The following CASS4 variants were observed in gnomAD, a reference collection of about 807,000 sequenced individuals.
The protein encoded by CASS4 is Cas scaffold protein family member 4.
CASS4 carries 22 observed loss-of-function variants against 54.2 expected under a neutral mutation model. That is an observed-to-expected ratio of 0.41 (90% confidence interval 0.29 to 0.58). The LOEUF is 0.58. CASS4 is among the 20% of genes least tolerant of loss of function. The probability of loss-of-function intolerance (pLI) is 0.36; values close to 1 mark genes in which losing one functional copy is unlikely to be tolerated. For missense variants in CASS4, 854 were observed against 986.7 expected, an observed-to-expected ratio of 0.87 and a Z score of 1.80; for synonymous variants, 409 against 391.5, an observed-to-expected ratio of 1.04 and a Z score of -0.53.
At chr20:56,435,564 GA>G (rs1376420221) in intron 1 of CASS4, among the ~76,000 whole-genome samples, 1 of 152,154 alleles carries the variant, frequency 6.6e-6, no homozygotes, top group African/African-American at 2.4e-5. Flanking sequence ...AATTACAGTG[GA>G]AAGTTCAAAT....
rs1979864393 is a variant in CASS4, at chr20:56,430,736, G to T, written c.37-6428G>T. On this transcript the variant is annotated intron_variant, in intron 1 of 5. Coordinates refer to ENST00000679887, the MANE Select transcript of CASS4 (RefSeq NM_020356.4). This position sits in a 1 kb window ranked among gnomAD's most constrained non-coding sequence, Gnocchi z 4.2. Reference sequence around the variant, plus strand: ...CCCAGCCAAAAGTGGGGTGGTCAGGGGCAGCCTCTGCAAAGGGGTGACTCG... The same window carrying T: ...CCCAGCCAAAAGTGGGGTGGTCAGGTGCAGCCTCTGCAAAGGGGTGACTCG... 6.6e-6 allele frequency among the ~76,000 whole-genome samples: 1 copy of T among 152,202 alleles called. No individual in the cohort carries two copies. Among genetic ancestry groups the T allele is most frequent in the Non-Finnish European group, 1.5e-5 (1 of 68,040 alleles).
chr20:56,416,329 C>T (rs763403845), intron 1 of CASS4, among the ~76,000 whole-genome samples: 7 of 152,184 alleles, frequency 4.6e-5, no homozygotes, highest in African/African-American at 9.6e-5. Context: ...GGATTACAGG[C>T]GTGAGCCACT....
intron 2 of CASS4, among the ~76,000 whole-genome samples, chr20:56,441,491 A>G (rs1408690135): frequency 7.2e-5 from 11 of 151,980 alleles, no homozygotes; most frequent in Non-Finnish European, 1.5e-5. Flanking sequence ...TGTAGTCCCA[A>G]CTACTCAGAA....
rs530048018 is a variant in CASS4, at chr20:56,459,935, G to A, written c.*1188G>A. 1 of 152,210 alleles carries A rather than the reference G, an allele frequency of 6.6e-6. No homozygotes were observed. The highest frequency in any genetic ancestry group is 6.5e-5 in the Admixed American group (1 of 15,296). 9.4% of individuals were successfully genotyped at this position (152,210 alleles called of 1,614,324 possible). A position where few individuals can be genotyped will look rare whatever the true frequency, so the allele number is the denominator to read the frequency against. On this transcript the variant is annotated 3_prime_UTR_variant, in exon 6 of 6. Coordinates refer to ENST00000679887, the MANE Select transcript of CASS4 (RefSeq NM_020356.4). ...AAAGCGGTGAAGAAATACATACACA[G>A]TATAGCAGGTGCCAGGAAAAACGTA...
At chr20:56,442,689 G>A (rs1980518089) in intron 2 of CASS4, among the ~76,000 whole-genome samples, 1 of 151,388 alleles carries the variant, frequency 6.6e-6, no homozygotes, top group Non-Finnish European at 1.5e-5. Flanking sequence ...ACCACATCAA[G>A]AGCATATTTG....
In CASS4 at chr20:56,450,695, T is replaced by A. The variant is rs569265583; in HGVS notation, c.642+16T>A. 12 of 1,611,630 alleles carry A rather than the reference T, an allele frequency of 7.4e-6. No individual in the cohort carries two copies. The African/African-American group carries it at 1.5e-4, about 20-fold the overall frequency. On this transcript the variant is annotated intron_variant, in intron 4 of 5. Coordinates refer to ENST00000679887, the MANE Select transcript of CASS4 (RefSeq NM_020356.4). ...CCAAGCAAGTGTAAGTATGAAGAGG[T>A]GCTAAGGTGCGGTGTTATGAACACA...
intron 1 of CASS4, among the ~76,000 whole-genome samples, chr20:56,432,889 T>G (rs938022127): frequency 7.7e-6 from 1 of 129,582 alleles, no homozygotes; most frequent in Non-Finnish European, 1.5e-5. Flanking sequence ...CATCCAAAAG[T>G]GTGGGCAGGG....
rs1202364053 is a variant in CASS4, at chr20:56,445,974, C to A, written c.534C>A (p.Thr178=). 6.2e-7 allele frequency: 1 copy of A among 1,613,950 alleles called. No individual in the cohort carries two copies. The highest frequency in any genetic ancestry group is 1.1e-5 in the South Asian group (1 of 91,088). ...CTTCCCAGGTGTATGACGTGCCTACCCAGCACCGGGGCCCCGTGGTCCTGA... is the reference window on the plus strand; with the variant it reads ...CTTCCCAGGTGTATGACGTGCCTACACAGCACCGGGGCCCCGTGGTCCTGA... ...TLPSQVYDVP[T]QHRGPVVLKE... Residue 178 remains threonine (T), a synonymous_variant, in exon 3 of 6, where the codon ACC becomes ACA. Coordinates refer to ENST00000679887, the MANE Select transcript of CASS4 (RefSeq NM_020356.4).
chr20:56,452,524 A>G lies in CASS4; in HGVS notation c.1348A>G (p.Lys450Glu). ...GGAGACAGTGATGGCTCTGCAGCAC[A>G]AGGTGGTCAGCTCTGTCGCTGGCCT... ...AKETVMALQH[K>E]VVSSVAGLML... The change falls in exon 5 of 6, where the codon AAG becomes GAG. Residue 450 changes from lysine to glutamate, a missense_variant. Coordinates refer to ENST00000679887, the MANE Select transcript of CASS4 (RefSeq NM_020356.4). The G allele has an allele frequency of 1.2e-6, 2 of 1,614,082 alleles. No individual in the cohort carries two copies. The highest frequency in any genetic ancestry group is 1.1e-5 in the South Asian group (1 of 91,070).
At chr20:56,425,641 AACG>A (rs1345556573) in intron 1 of CASS4, among the ~76,000 whole-genome samples, 2 of 152,256 alleles carry the variant, frequency 1.3e-5, no homozygotes, top group Non-Finnish European at 2.9e-5. Flanking sequence ...CTTGCGTGGT[AACG>A]ACAAGCAGCT....
chr20:56,413,212 A>T (rs1442825306), intron 1 of CASS4, among the ~76,000 whole-genome samples: 1 of 151,870 alleles, frequency 6.6e-6, no homozygotes, highest in Non-Finnish European at 1.5e-5. Context: ...TGGCTACCAT[A>T]TTAAAAAAAA....
chr20:56,429,468 C>G (rs956297025), intron 1 of CASS4, among the ~76,000 whole-genome samples: 9 of 152,154 alleles, frequency 5.9e-5, no homozygotes, highest in African/African-American at 2.2e-4. Context: ...CTTCCACTTG[C>G]TCCATGCACC....
At chr20:56,423,931 C>T (rs1283378517) in intron 1 of CASS4, among the ~76,000 whole-genome samples, 1 of 152,182 alleles carries the variant, frequency 6.6e-6, no homozygotes, top group Non-Finnish European at 1.5e-5. Flanking sequence ...TCATTTTCTG[C>T]ACATTCTGGA....
At chr20:56,450,031 C>CTTTTTTTT (rs112371637) in intron 3 of CASS4, among the ~76,000 whole-genome samples, 1 of 145,672 alleles carries the variant, frequency 6.9e-6, no homozygotes, top group Non-Finnish European at 1.5e-5. Context: ...GTTGAGAGGT[C>CTTTTTTTT]TTTTTTTTTT....
At chr20:56,415,462 A>C (rs545542391) in intron 1 of CASS4, among the ~76,000 whole-genome samples, 1 of 152,314 alleles carries the variant, frequency 6.6e-6, no homozygotes, top group South Asian at 2.1e-4. Context: ...TACATGTTTT[A>C]AGGTTTTACA....
intron 3 of CASS4, among the ~76,000 whole-genome samples, chr20:56,446,203 A>G (rs960298763): frequency 1.3e-5 from 2 of 152,134 alleles, no homozygotes; most frequent in African/African-American, 2.4e-5. Context: ...AAACATTATG[A>G]CTACTTGAGT....
intron 5 of CASS4, among the ~76,000 whole-genome samples, chr20:56,456,472 C>T (rs1476527476): frequency 1.3e-5 from 2 of 151,914 alleles, no homozygotes; most frequent in South Asian, 2.1e-4. Context: ...CTCACAGGTT[C>T]GGGCGATTCT....
Position 56,459,562 on chromosome 20 carries a change from TG to T in CASS4, c.*817del. On this transcript the variant is annotated 3_prime_UTR_variant, in exon 6 of 6. Coordinates refer to ENST00000679887, the MANE Select transcript of CASS4 (RefSeq NM_020356.4). ...TTCTCGGTCAGGAATCACTTAATCC[TG>T]GAAGTCTTATGAGAAGACATGGCAA... 4.7e-6 allele frequency: 1 copy of T among 212,284 alleles called. No homozygotes were observed. Among genetic ancestry groups the T allele is most frequent in the Non-Finnish European group, 1.1e-5 (1 of 93,412 alleles). The allele number at this position is 212,284 out of a possible 1,614,324, so 13.2% of individuals were successfully genotyped here. A position where few individuals can be genotyped will look rare whatever the true frequency, so the allele number is the denominator to read the frequency against.
chr20:56,423,189 G>A (rs1979490849), intron 1 of CASS4, among the ~76,000 whole-genome samples: 1 of 152,190 alleles, frequency 6.6e-6, no homozygotes, highest in South Asian at 2.1e-4. Flanking sequence ...GACTTCTGCT[G>A]GTGTTTTCCA....
Sources: allele counts gnomAD v4.1 joint callset (sites outside exome capture counted in the v4.1 genomes callset), GRCh38; gene constraint gnomAD v4.1.1; non-coding constraint Gnocchi (gnomAD v3.1); transcripts MANE v1.5; gene names NCBI Gene and HGNC (gene_info 2026-07-23, HGNC 2026-07-21).